EIF1B: variants seen among roughly 807,000 people sequenced by gnomAD.
The protein encoded by EIF1B is protein translation factor SUI1 homolog GC20.
In EIF1B, 5 loss-of-function variants were observed where a neutral mutation model predicts 14.8. The observed-to-expected ratio is 0.34, with a 90% CI of 0.18 to 0.71. EIF1B has a LOEUF of 0.71. Ranked by LOEUF, EIF1B falls within the 30% of genes least tolerant of loss-of-function variation. EIF1B has a pLI of 0.64. For missense variants in EIF1B, 56 were observed against 134.0 expected (o/e 0.42, Z 2.87); for synonymous variants, 45 against 45.8 (o/e 0.98, Z 0.07).
chr3:40,309,841 T>A lies in EIF1B; in HGVS notation c.-101T>A. ...CCCAACCCCAGGGCGAAGCGTTTTC[T>A]TATTTATTTCCGTTTTCTCGCCACT... On this transcript the variant is annotated 5_prime_UTR_variant, in exon 1 of 4. Coordinates refer to ENST00000232905, the MANE Select transcript of EIF1B (RefSeq NM_005875.3). 4 of 1,422,312 alleles carry A rather than the reference T, an allele frequency of 2.8e-6. No homozygotes were observed. The highest frequency in any genetic ancestry group is 3.9e-6 in the Non-Finnish European group (4 of 1,013,306). The allele number at this position is 1,422,312 out of a possible 1,614,324, so 88.1% of individuals were successfully genotyped here.
At chr3:40,311,169 TCTC>T (rs1954321578) in intron 2 of EIF1B, 113 bp downstream of exon 2, 1 of 1,051,900 alleles carries the variant, frequency 9.5e-7, no homozygotes, top group Non-Finnish European at 1.3e-6. Context: ...AGAAAGTTGT[TCTC>T]ATTTTTGTAA....
At chr3:40,310,742 C>G (rs1338050110) in intron 1 of EIF1B, 151 bp from the exon 2 acceptor site, 12 of 693,778 alleles carry the variant, frequency 1.7e-5, no homozygotes, top group Non-Finnish European at 2.8e-5. Flanking sequence ...ATACTCCACC[C>G]CCATCTCCAT....
Position 40,311,185 on chromosome 3 carries a change from A to G in EIF1B, c.195+129A>G, listed in dbSNP as rs1038817680. 1.3e-5 allele frequency: 11 copies of G among 879,740 alleles called. No homozygotes were observed. The African/African-American group carries it at 1.7e-4, about 14-fold the overall frequency. The allele number at this position is 879,740 out of a possible 1,614,324, so 54.5% of individuals were successfully genotyped here. On this transcript the variant is annotated intron_variant, in intron 2 of 3. Coordinates refer to ENST00000232905, the MANE Select transcript of EIF1B (RefSeq NM_005875.3). ...GAAAGTTGTTCTCATTTTTGTAATT[A>G]ACATGTAAATATTTAGTTATTCTCC...
chr3:40,311,942 T>G, intron 3 of EIF1B, 28 bp from the exon 4 acceptor site: 1 of 1,518,756 alleles, frequency 6.6e-7, no homozygotes, highest in African/African-American at 1.4e-5. Context: ...CTCAGAGTTA[T>G]TTTGCTAAAT....
chr3:40,311,422 C>A, intron 2 of EIF1B, 48 bp from the exon 3 acceptor site: 2 of 1,356,538 alleles, frequency 1.5e-6, no homozygotes, highest in South Asian at 1.2e-5. Context: ...GAAATAAAAC[C>A]TCATAGTAGT....
At chr3:40,311,731 T>C (rs528780745) in intron 3 of EIF1B, 160 bp downstream of exon 3, 7 of 679,286 alleles carry the variant, frequency 1.0e-5, no homozygotes, top group Non-Finnish European at 1.5e-5. Context: ...GACCTTTATC[T>C]GGTTTATTTT....
chr3:40,310,856 T>A, intron 1 of EIF1B, 37 bp from the exon 2 acceptor site: 1 of 1,524,412 alleles, frequency 6.6e-7, no homozygotes, highest in Non-Finnish European at 8.8e-7. Flanking sequence ...AATATTTTTC[T>A]ACTTTGGATT....
chr3:40,309,786 C>T lies in EIF1B; in HGVS notation c.-156C>T, dbSNP rs11541150. On this transcript the variant is annotated 5_prime_UTR_variant, in exon 1 of 4. Transcript: ENST00000232905. ...TCCTTCGCCTCTTCCTGCCTCCTCC[C>T]GGCTTCCGCCGCCGCCACTCCAGCC... 37,610 of 833,122 alleles carry T rather than the reference C, an allele frequency of 0.045. 921 individuals are homozygous for T. Among genetic ancestry groups the T allele is most frequent in the South Asian group, 0.051 (3,094 of 61,024 alleles). The allele number at this position is 833,122 out of a possible 1,614,324, so 51.6% of individuals were successfully genotyped here.
Position 40,312,043 on chromosome 3 carries a change from T to C in EIF1B, c.*29T>C. 6.4e-7 allele frequency: 1 copy of C among 1,567,600 alleles called. No homozygotes were observed. Among genetic ancestry groups the C allele is most frequent in the Non-Finnish European group, 8.8e-7 (1 of 1,139,652 alleles). On this transcript the variant is annotated 3_prime_UTR_variant, in exon 4 of 4. Coordinates refer to ENST00000232905, the MANE Select transcript of EIF1B (RefSeq NM_005875.3). ...GAACCTAAATACGTGGAGAATTTCT[T>C]GAATAGTTTTGTTCTCTAAACCCGG... is the stretch of plus-strand genomic sequence containing the variant.
At position 40,309,962 on chromosome 3, in the gene EIF1B, C is replaced by G. The variant is rs770565960; in HGVS notation, c.21C>G (p.Leu7=). 1.2e-6 allele frequency: 2 copies of G among 1,613,914 alleles called. No individual in the cohort carries two copies. The highest frequency in any genetic ancestry group is 1.3e-5 in the African/African-American group (1 of 74,938). The change falls in exon 1 of 4, where the codon CTC becomes CTG. Residue 7 remains leucine (L), a synonymous_variant. Transcript: ENST00000232905. The part of the protein sequence containing the change: MSTIQN[L]QSFDPFADAT... Reference sequence around the variant, plus strand: ...ATCGCATGTCCACTATCCAGAACCTCCAATCTTTCGGTAAGATCCCGTCGC... The same window carrying G: ...ATCGCATGTCCACTATCCAGAACCTGCAATCTTTCGGTAAGATCCCGTCGC...
chr3:40,310,688 T>C, intron 1 of EIF1B: 1 of 482,498 alleles, frequency 2.1e-6, no homozygotes, highest in Non-Finnish European at 3.7e-6. Context: ...ACATAGCTGT[T>C]CAAATGTTTC....
intron 1 of EIF1B, 32 bp downstream of exon 1, chr3:40,310,004 T>C: frequency 6.2e-7 from 1 of 1,612,852 alleles, no homozygotes; most frequent in South Asian, 1.1e-5. Flanking sequence ...CTCCCTCCCT[T>C]GCCCGGCGCG....
intron 1 of EIF1B, 108 bp downstream of exon 1, chr3:40,310,080 C>A: frequency 4.1e-6 from 6 of 1,446,676 alleles, no homozygotes; most frequent in Non-Finnish European, 4.8e-6. Flanking sequence ...TCCCGCACCC[C>A]TAGTGGGGCT....
chr3:40,309,755 GCCT>G lies in EIF1B; in HGVS notation c.-180_-178del, dbSNP rs1954301026. The G allele has an allele frequency of 1.6e-6, 1 of 630,470 alleles. No individual in the cohort carries two copies. The highest frequency in any genetic ancestry group is 2.7e-6 in the Non-Finnish European group (1 of 364,586). 39.1% of individuals were successfully genotyped at this position (630,470 alleles called of 1,614,324 possible). A position where few individuals can be genotyped will look rare whatever the true frequency, so the allele number is the denominator to read the frequency against. ...CTCTCGCGCCCTCGCCTCTTCCTCCGCCTCCTCCTTCGCCTCTTCCTGCCTCCT... is the reference window on the plus strand; with the variant it reads ...CTCTCGCGCCCTCGCCTCTTCCTCCGCCTCCTTCGCCTCTTCCTGCCTCCT... On this transcript the variant is annotated 5_prime_UTR_variant, in exon 1 of 4. Transcript: ENST00000232905.
chr3:40,310,781 A>G, intron 1 of EIF1B, 112 bp from the exon 2 acceptor site: 1 of 1,223,876 alleles, frequency 8.2e-7, no homozygotes, highest in Admixed American at 3.0e-5. Flanking sequence ...CAAAGGCACT[A>G]GAACCTTCAT....
At chr3:40,310,123 C>T (rs1163414806) in intron 1 of EIF1B, 151 bp downstream of exon 1, 3 of 1,046,238 alleles carry the variant, frequency 2.9e-6, no homozygotes, top group East Asian at 4.9e-5. Flanking sequence ...GCGACGGGGC[C>T]CCTGGCGACC....
At chr3:40,311,124 C>T in intron 2 of EIF1B, 68 bp downstream of exon 2, 5 of 1,436,952 alleles carry the variant, frequency 3.5e-6, no homozygotes, top group Non-Finnish European at 4.7e-6. Flanking sequence ...ATGATTCACA[C>T]CTTTATATCG....
intron 1 of EIF1B, 74 bp downstream of exon 1, chr3:40,310,046 C>T (rs180874119): frequency 1.1e-5 from 18 of 1,584,396 alleles, no homozygotes; most frequent in Admixed American, 1.7e-5. Flanking sequence ...TGGCCACCGC[C>T]CCTAGGGGCC....
intron 2 of EIF1B, 112 bp from the exon 3 acceptor site, chr3:40,311,358 T>G (rs1954324066): frequency 1.3e-6 from 1 of 742,544 alleles, no homozygotes; most frequent in Non-Finnish European, 2.2e-6. Flanking sequence ...AGACAAAATC[T>G]GTTTCTCTAA....
Sources: gnomAD v4.1 joint callset for allele counts on GRCh38, gnomAD v4.1.1 for gene constraint, MANE v1.5 for transcripts, NCBI Gene and HGNC (gene_info 2026-07-23, HGNC 2026-07-21) for gene names.